Variants in FGF12 observed in about 807,000 individuals in gnomAD.
FGF12 encodes fibroblast growth factor 12.
Under a neutral mutation model 23.6 loss-of-function variants are expected in FGF12, and 14 were observed. The observed-to-expected ratio is 0.59, with a 90% CI of 0.39 to 0.93. The LOEUF (loss-of-function observed/expected upper bound fraction) is 0.93. Ranked by LOEUF, FGF12 falls within the 40% of genes least tolerant of loss-of-function variation. The probability of loss-of-function intolerance (pLI) is 0.00; values close to 1 mark genes in which losing one functional copy is unlikely to be tolerated. For synonymous variants in FGF12, 62 were observed against 77.3 expected (o/e 0.80, Z 1.04); for missense variants, 175 against 217.8 (o/e 0.80, Z 1.24).
chr3:192,438,080 T>C (rs1722082254), intron 2 of FGF12, among the ~76,000 whole-genome samples: 1 of 152,202 alleles, frequency 6.6e-6, no homozygotes, highest in Non-Finnish European at 1.5e-5. Flanking sequence ...TTGCCTTTTG[T>C]ACATATTTTA....
chr3:192,371,360 G>T (rs954042827), intron 2 of FGF12, among the ~76,000 whole-genome samples: 7 of 152,198 alleles, frequency 4.6e-5, no homozygotes, highest in Non-Finnish European at 8.8e-5. Context: ...CCTCCCAGAG[G>T]TTTCCTGATC....
chr3:192,209,600 T>C (rs1042391962), intron 4 of FGF12, among the ~76,000 whole-genome samples: 1 of 152,196 alleles, frequency 6.6e-6, no homozygotes, highest in Non-Finnish European at 1.5e-5. Flanking sequence ...CTGAATTTTC[T>C]AGCTTCACAA....
At chr3:192,622,785 C>G (rs766427578) in intron 2 of FGF12, among the ~76,000 whole-genome samples, 3 of 152,152 alleles carry the variant, frequency 2.0e-5, no homozygotes, top group Non-Finnish European at 2.9e-5. Flanking sequence ...TGCACACACA[C>G]TTACACACAG....
chr3:192,583,240 A>G (rs918191328), intron 2 of FGF12, among the ~76,000 whole-genome samples: 3 of 152,094 alleles, frequency 2.0e-5, no homozygotes, highest in African/African-American at 4.8e-5. Flanking sequence ...GTGCTCTCTT[A>G]TATTCTCCAT....
chr3:192,349,526 C>A (rs1242838776), intron 3 of FGF12, among the ~76,000 whole-genome samples: 4 of 152,024 alleles, frequency 2.6e-5, no homozygotes, highest in Non-Finnish European at 4.4e-5. Flanking sequence ...CAATGACTCT[C>A]TCTCTTATGG....
intron 4 of FGF12, among the ~76,000 whole-genome samples, chr3:192,315,262 G>A (rs973415775): frequency 5.8e-4 from 88 of 151,668 alleles, no homozygotes; most frequent in African/African-American, 1.6e-3. Flanking sequence ...TTGTTTCGTC[G>A]TTGTTGTTGT....
chr3:192,588,349 C>CAAAAAAAAAAAAAAAAAA (rs1201739223), intron 2 of FGF12, among the ~76,000 whole-genome samples: 1 of 66,984 alleles, frequency 1.5e-5, no homozygotes, highest in Admixed American at 1.9e-4. Context: ...CAATCCGTCT[C>CAAAAAAAAAAAAAAAAAA]AAAAAAAAAA....
intron 2 of FGF12, among the ~76,000 whole-genome samples, chr3:192,383,626 G>C (rs543553981): frequency 1.3e-5 from 2 of 151,986 alleles, no homozygotes; most frequent in Non-Finnish European, 2.9e-5. Context: ...CTTGGACAAA[G>C]GTAGATGAAA....
intron 2 of FGF12, among the ~76,000 whole-genome samples, chr3:192,366,826 C>T (rs185019631): frequency 2.0e-5 from 3 of 152,186 alleles, no homozygotes; most frequent in Non-Finnish European, 4.4e-5. Context: ...GCTGTCTCCA[C>T]GTTCTTGAAA....
At chr3:192,411,206 G>A (rs1721189518) in intron 2 of FGF12, among the ~76,000 whole-genome samples, 1 of 152,168 alleles carries the variant, frequency 6.6e-6, no homozygotes, top group South Asian at 2.1e-4. Context: ...GCAATAAGAA[G>A]GATTGAGATC....
intron 4 of FGF12, among the ~76,000 whole-genome samples, chr3:192,317,135 G>C (rs1608096): frequency 0.087 from 13,247 of 151,856 alleles, 742 homozygotes; most frequent in South Asian, 0.18. Flanking sequence ...TGGCTTCAAG[G>C]GTGTCCCAGC....
intron 2 of FGF12, among the ~76,000 whole-genome samples, chr3:192,446,046 T>C (rs1722344558): frequency 6.6e-6 from 1 of 152,220 alleles, no homozygotes; most frequent in African/African-American, 2.4e-5. Flanking sequence ...AAAAGAGGCA[T>C]TCTTTGTGAC....
intron 4 of FGF12, among the ~76,000 whole-genome samples, chr3:192,202,168 T>C: frequency 6.6e-6 from 1 of 150,894 alleles, no homozygotes; most frequent in East Asian, 1.9e-4. Flanking sequence ...AAAAGTAAGG[T>C]ATCCAACAGA....
chr3:192,155,999 A>C (rs1001933375), intron 5 of FGF12, among the ~76,000 whole-genome samples: 2 of 152,204 alleles, frequency 1.3e-5, no homozygotes, highest in Non-Finnish European at 2.9e-5. Context: ...TTCTGTTATA[A>C]TGCGCAATAT....
intron 3 of FGF12, among the ~76,000 whole-genome samples, chr3:192,339,174 G>A (rs1717565967): frequency 6.6e-6 from 1 of 152,118 alleles, no homozygotes; most frequent in South Asian, 2.1e-4. Context: ...ATTGGTAAAA[G>A]CTAAACATAG....
intron 4 of FGF12, among the ~76,000 whole-genome samples, chr3:192,291,351 G>A (rs189382575): frequency 2.9e-3 from 437 of 152,142 alleles, no homozygotes; most frequent in Middle Eastern, 6.8e-3. Context: ...GAGGGCAAGG[G>A]AGAAGGATCA....
intron 2 of FGF12, among the ~76,000 whole-genome samples, chr3:192,413,501 A>G (rs1721259710): frequency 6.6e-6 from 1 of 152,264 alleles, no homozygotes; most frequent in Admixed American, 6.5e-5. Flanking sequence ...AACGTAAAGT[A>G]TGAGAATGAC....
intron 2 of FGF12, among the ~76,000 whole-genome samples, chr3:192,492,480 A>C (rs920674691): frequency 6.6e-6 from 1 of 152,156 alleles, no homozygotes; most frequent in African/African-American, 2.4e-5. Flanking sequence ...TTATTATTAC[A>C]CATTGCAGAG....
intron 3 of FGF12, among the ~76,000 whole-genome samples, chr3:192,344,527 A>G (rs1717859267): frequency 6.6e-6 from 1 of 152,200 alleles, no homozygotes; most frequent in African/African-American, 2.4e-5. Flanking sequence ...CAATTGGCCA[A>G]ATAGTCCAAC....
Sources: allele counts gnomAD v4.1 joint callset (sites outside exome capture counted in the v4.1 genomes callset), GRCh38; gene constraint gnomAD v4.1.1; transcripts MANE v1.5; gene names NCBI Gene and HGNC (gene_info 2026-07-23, HGNC 2026-07-21).